OTOG: variants seen among roughly 807,000 people sequenced by gnomAD.
OTOG encodes otogelin.
In OTOG, 296 loss-of-function variants were observed where a neutral mutation model predicts 313.8. The observed-to-expected ratio is 0.94, with a 90% CI of 0.86 to 1.04. The LOEUF is 1.04. OTOG is among the 50% of genes least tolerant of loss of function. OTOG has a pLI of 0.00. For missense variants in OTOG, 3,948 were observed against 3,840.1 expected, an observed-to-expected ratio of 1.03 and a Z score of -0.74; for synonymous variants, 1,533 against 1,554.9, an observed-to-expected ratio of 0.99 and a Z score of 0.33.
intron 24 of OTOG, among the ~76,000 whole-genome samples, chr11:17,589,581 T>A (rs1260435785): frequency 2.6e-5 from 4 of 152,146 alleles, no homozygotes; most frequent in Non-Finnish European, 5.9e-5. Context: ...CAATTTGCAT[T>A]CTCTACTGGC....
At chr11:17,623,002 TTTG>T (rs1248695963) in intron 39 of OTOG, among the ~76,000 whole-genome samples, 2 of 152,134 alleles carry the variant, frequency 1.3e-5, no homozygotes, top group Admixed American at 1.3e-4. Context: ...CTCACCAGCA[TTTG>T]TTATTTCCTG....
At chr11:17,553,334 A>G (rs1209012965) in intron 5 of OTOG, 31 bp from the exon 6 acceptor site, 2 of 1,477,050 alleles carry the variant, frequency 1.4e-6, no homozygotes, top group East Asian at 2.5e-5. Flanking sequence ...CACTGTAGCT[A>G]CACAGAGAGG....
In OTOG at chr11:17,559,154, G is replaced by A. The variant is rs1020188231; in HGVS notation, c.1206G>A (p.Arg402=). The stretch of plus-strand genomic sequence containing the variant: ...TGCAAGGCTGGAGGACCCAGCTCCG[G>A]CAATGCAGTAGGTGCAGCCCAGTAG... The part of the protein sequence containing the change: ...RPLQGWRTQL[R]QCTVHCKEKA... The change falls in exon 11 of 56, where the codon CGG becomes CGA. Residue 402 remains arginine, a synonymous_variant. Transcript: ENST00000399397. The A allele has an allele frequency of 2.0e-6, 3 of 1,537,574 alleles. No individual in the cohort carries two copies. The highest frequency in any genetic ancestry group is 2.7e-5 in the African/African-American group (2 of 73,052).
Position 17,596,085 on chromosome 11 carries a change from C to T in OTOG, c.3456C>T (p.Leu1152=), listed in dbSNP as rs1253410333. The part of the protein sequence containing the change: ...DPRDMCVLNP[L]REPFAKKECS... ...GGGATATGTGTGTCCTGAATCCTCT[C>T]CGAGAACCATTTGCCAAGAAGGAGT... The change falls in exon 29 of 56, where the codon CTC becomes CTT. Residue 1152 remains leucine, a synonymous_variant. Coordinates refer to ENST00000399397, the MANE Select transcript of OTOG (RefSeq NM_001292063.2). 6.4e-7 allele frequency: 1 copy of T among 1,550,854 alleles called. No homozygotes were observed. Among genetic ancestry groups the T allele is most frequent in the South Asian group, 1.2e-5 (1 of 84,046 alleles).
intron 42 of OTOG, among the ~76,000 whole-genome samples, chr11:17,633,293 G>T (rs1854176553): frequency 6.6e-6 from 1 of 152,222 alleles, no homozygotes; most frequent in Non-Finnish European, 1.5e-5. Flanking sequence ...AGAGCAAGGG[G>T]TTGGCAAACC....
intron 55 of OTOG, 27 bp downstream of exon 55, chr11:17,645,670 G>A (rs1228083672): frequency 6.4e-6 from 10 of 1,550,588 alleles, no homozygotes; most frequent in African/African-American, 5.5e-5. Context: ...AGGCAGTGGG[G>A]CAGCAAAAAA....
intron 23 of OTOG, among the ~76,000 whole-genome samples, chr11:17,585,972 G>A (rs747604248): frequency 2.0e-5 from 3 of 152,174 alleles, no homozygotes; most frequent in African/African-American, 2.4e-5. Context: ...CTGATCTAGC[G>A]TGATGCTATG....
At chr11:17,569,424 C>T (rs1852360109) in intron 16 of OTOG, 136 bp downstream of exon 16, 2 of 1,260,986 alleles carry the variant, frequency 1.6e-6, no homozygotes, top group Non-Finnish European at 2.2e-6. Context: ...GGATAGGGGA[C>T]ACTTTGGTTG....
At chr11:17,553,302 C>A (rs1394269134) in intron 5 of OTOG, 63 bp from the exon 6 acceptor site, 2 of 1,503,456 alleles carry the variant, frequency 1.3e-6, no homozygotes, top group Non-Finnish European at 1.8e-6. Flanking sequence ...GGCTGGAACC[C>A]ACCAGCCTCT....
Position 17,611,278 on chromosome 11 carries a change from C to T in OTOG, c.5978C>T (p.Ser1993Leu), listed in dbSNP as rs771329383. ...LPQLAEAHGT[S>L]AGPHLAAEPV... ...CAGCTGGCTGAGGCCCATGGAACCTCGGCAGGGCCTCACCTGGCAGCAGAG... is the reference window on the plus strand; with the variant it reads ...CAGCTGGCTGAGGCCCATGGAACCTTGGCAGGGCCTCACCTGGCAGCAGAG... Residue 1993 changes from serine (S) to leucine (L), a missense_variant, in exon 36 of 56, where the codon TCG becomes TTG. Ser to Leu is a moderately radical substitution (Grantham distance 145, BLOSUM62 -2). Transcript: ENST00000399397. 299 of 1,550,392 alleles carry T rather than the reference C, an allele frequency of 1.9e-4. No individual in the cohort carries two copies. Among genetic ancestry groups the T allele is most frequent in the Non-Finnish European group, 2.4e-4 (273 of 1,146,988 alleles).
At chr11:17,645,313 C>T (rs903361004) in intron 54 of OTOG, among the ~76,000 whole-genome samples, 2 of 152,198 alleles carry the variant, frequency 1.3e-5, no homozygotes, top group Non-Finnish European at 2.9e-5. Flanking sequence ...GCACAGAGTC[C>T]TCAAGGGGGC....
chr11:17,586,607 T>C (rs1445492478), intron 24 of OTOG, 26 bp downstream of exon 24: 24 of 1,295,014 alleles, frequency 1.9e-5, no homozygotes, highest in Non-Finnish European at 2.4e-5. Context: ...AAGCAGGCTT[T>C]GCTTTTTTGC....
At chr11:17,577,430 G>A (rs1325841695) in intron 22 of OTOG, among the ~76,000 whole-genome samples, 1 of 152,094 alleles carries the variant, frequency 6.6e-6, no homozygotes, top group Non-Finnish European at 1.5e-5. Context: ...GGGCCTGGGG[G>A]CTGGAGCATT....
chr11:17,558,363 A>G (rs1565091165), intron 9 of OTOG, 48 bp downstream of exon 9: 3 of 1,544,050 alleles, frequency 1.9e-6, no homozygotes, highest in Non-Finnish European at 2.6e-6. Flanking sequence ...CTGACTTGCT[A>G]TCCAACTCTT....
chr11:17,616,452 A>G (rs1029300447), intron 39 of OTOG, among the ~76,000 whole-genome samples: 1 of 152,196 alleles, frequency 6.6e-6, no homozygotes, highest in Non-Finnish European at 1.5e-5. Context: ...TGCATTCAAT[A>G]TATAGATTAT....
At position 17,611,231 on chromosome 11, in the gene OTOG, C is replaced by T; in HGVS notation, c.5931C>T (p.Asp1977=). 2 of 1,550,596 alleles carry T rather than the reference C, an allele frequency of 1.3e-6. No individual in the cohort carries two copies. Among genetic ancestry groups the T allele is most frequent in the East Asian group, 4.9e-5 (2 of 40,902 alleles). Reference sequence around the variant, plus strand: ...TCTCAGCCAGGACGGCCCCCCAAGACAGCATGCTGGTTCTGTTGCCTCAGC... The same window carrying T: ...TCTCAGCCAGGACGGCCCCCCAAGATAGCATGCTGGTTCTGTTGCCTCAGC... ...SRVSARTAPQ[D]SMLVLLPQLA... is the part of the protein sequence containing the mutation. The change falls in exon 36 of 56, where the codon GAC becomes GAT. Residue 1977 remains aspartate (D), a synonymous_variant. Coordinates refer to ENST00000399397, the MANE Select transcript of OTOG (RefSeq NM_001292063.2).
At chr11:17,631,388 G>A (rs888562673) in intron 40 of OTOG, among the ~76,000 whole-genome samples, 1 of 138,448 alleles carries the variant, frequency 7.2e-6, no homozygotes, top group African/African-American at 2.9e-5. Context: ...CTGTGTGTGT[G>A]TGGGGGGGGG....
intron 9 of OTOG, 26 bp downstream of exon 9, chr11:17,558,341 C>T: frequency 2.6e-6 from 4 of 1,549,852 alleles, no homozygotes; most frequent in Non-Finnish European, 3.5e-6. Context: ...AGAAACTCCC[C>T]TACCCTAGAG....
At position 17,574,724 on chromosome 11, in the gene OTOG, G is replaced by C. The variant is rs1178502220; in HGVS notation, c.2298G>C (p.Leu766=). Residue 766 remains leucine (L), a synonymous_variant, in exon 20 of 56, where the codon CTG becomes CTC. Coordinates refer to ENST00000399397, the MANE Select transcript of OTOG (RefSeq NM_001292063.2). ...ACCACTCCCCCCTCACTGCAGCACT[G>C]TCCTGTGAGGCCTCCAAGGAGTATA... is the stretch of plus-strand genomic sequence containing the variant. ...DFRARLPACA[L]SCEASKEYSP... 1 of 1,550,268 alleles carries C rather than the reference G, an allele frequency of 6.5e-7. No individual in the cohort carries two copies.
Sources: gnomAD v4.1 joint callset for allele counts (sites outside exome capture counted in the v4.1 genomes callset) on GRCh38, gnomAD v4.1.1 for gene constraint, MANE v1.5 for transcripts, NCBI Gene and HGNC (gene_info 2026-07-23, HGNC 2026-07-21) for gene names.